The following MYADM variants were observed in gnomAD, a reference collection of about 807,000 sequenced individuals.
MYADM encodes the protein myeloid-associated differentiation marker.
For missense variants in MYADM, 416 were observed against 443.4 expected (o/e 0.94, Z 0.56); for synonymous variants, 224 against 210.2 (o/e 1.07, Z -0.57).
chr19:53,866,025 G>A (rs1281661481), upstream of MYADM: 1 of 152,220 alleles, frequency 6.6e-6, no homozygotes, highest in Non-Finnish European at 1.5e-5. The surrounding 1 kb of genome is among the most constrained non-coding windows in gnomAD (Gnocchi z 4.3). Context: ...GAGGGTCTGT[G>A]TCCCCTTCCC....
Position 53,874,356 on chromosome 19 carries a change from ATG to A in MYADM, c.829_830del (p.Val277LysfsTer33). On this transcript the variant is annotated frameshift_variant, in exon 3 of 3. Transcript: ENST00000391770. LOFTEE classifies it low-confidence loss of function (END_TRUNC). ...GGCGGCCAGCCTCGGCGCTCGAGAG[ATG>A]TAAGCTGCAGCCGCAGCCATGCCTA... 1 of 1,614,010 alleles carries A rather than the reference ATG, an allele frequency of 6.2e-7. No homozygotes were observed. Among genetic ancestry groups the A allele is most frequent in the Non-Finnish European group, 8.5e-7 (1 of 1,179,926 alleles).
Position 53,874,116 on chromosome 19 carries a change from T to C in MYADM, c.587T>C (p.Leu196Pro). ...TTCGCGTTCATCAGCGACCCCAACC[T>C]GTACCAGCACCAGCCGGCCCTGGAG... ...IIFAFISDPN[L>P]YQHQPALEWC... Residue 196 changes from leucine (L) to proline (P), a missense_variant, in exon 3 of 3, where the codon CTG (leucine) becomes CCG (proline). Transcript: ENST00000391770. The C allele has an allele frequency of 2.5e-6, 4 of 1,613,050 alleles. No individual in the cohort carries two copies. The highest frequency in any genetic ancestry group is 3.4e-6 in the Non-Finnish European group (4 of 1,180,008).
At chr19:53,869,731 C>T (rs1345858922) in intron 1 of MYADM, 23 bp from the exon 2 acceptor site, 1 of 152,540 alleles carries the variant, frequency 6.6e-6, no homozygotes, top group Non-Finnish European at 1.5e-5. Flanking sequence ...CAAACGGACG[C>T]TAACGGCCTA....
At position 53,873,704 on chromosome 19, in the gene MYADM, G is replaced by A. The variant is rs887379470; in HGVS notation, c.175G>A (p.Ala59Thr). The A allele has an allele frequency of 2.5e-6, 4 of 1,613,904 alleles. No individual in the cohort carries two copies. Among genetic ancestry groups the A allele is most frequent in the South Asian group, 2.2e-5 (2 of 91,086 alleles). Residue 59 changes from alanine to threonine, a missense_variant, in exon 3 of 3, where the codon GCC becomes ACC. Ala to Thr is a moderately conservative substitution (Grantham distance 58, BLOSUM62 0). Transcript: ENST00000391770. The surrounding 1 kb of genome is among the most constrained non-coding windows in gnomAD (Gnocchi z 4.3). The part of the protein sequence containing the change: ...VAFSLVASVG[A>T]WTGSMGNWSM... Reference sequence around the variant, plus strand: ...CTTCTCGCTGGTGGCTAGCGTGGGCGCCTGGACGGGGTCCATGGGCAACTG... The same window carrying A: ...CTTCTCGCTGGTGGCTAGCGTGGGCACCTGGACGGGGTCCATGGGCAACTG...
Position 53,873,888 on chromosome 19 carries a change from A to T in MYADM, c.359A>T (p.Tyr120Phe), listed in dbSNP as rs748040595. 1 of 1,612,216 alleles carries T rather than the reference A, an allele frequency of 6.2e-7. No individual in the cohort carries two copies. The highest frequency in any genetic ancestry group is 2.2e-5 in the East Asian group (1 of 44,820). ...ALFCLSASII[Y>F]PTTYVQFLSH... is the part of the protein sequence containing the mutation. ...TTCTGCCTCTCGGCCTCCATCATCT[A>T]CCCCACCACCTATGTCCAGTTCCTG... Residue 120 changes from tyrosine to phenylalanine, a missense_variant, in exon 3 of 3, where the codon TAC becomes TTC. By Grantham distance (22) the Tyr-to-Phe change is conservative (BLOSUM62 3). Coordinates refer to ENST00000391770, the MANE Select transcript of MYADM (RefSeq NM_138373.5). This position sits in a 1 kb window ranked among gnomAD's most constrained non-coding sequence, Gnocchi z 4.3.
chr19:53,868,068 TG>T lies in MYADM; in HGVS notation c.-88+129del. 6.5e-6 allele frequency: 1 copy of T among 153,954 alleles called. No homozygotes were observed. The highest frequency in any genetic ancestry group is 1.4e-5 in the Non-Finnish European group (1 of 69,372). The allele number at this position is 153,954 out of a possible 1,614,324, so 9.5% of individuals were successfully genotyped here. A position where few individuals can be genotyped will look rare whatever the true frequency, so the allele number is the denominator to read the frequency against. Reference sequence around the variant, plus strand: ...AAGACTGGGGCTGGGCCAGGATTCTTGGGGTTCTGCAGAGGAGAGGGCTGAG... The same window carrying T: ...AAGACTGGGGCTGGGCCAGGATTCTTGGGTTCTGCAGAGGAGAGGGCTGAG... On this transcript the variant is annotated intron_variant, in intron 1 of 2. Coordinates refer to ENST00000391770, the MANE Select transcript of MYADM (RefSeq NM_138373.5). This position sits in a 1 kb window ranked among gnomAD's most constrained non-coding sequence, Gnocchi z 6.3.
Position 53,873,390 on chromosome 19 carries a change from GAA to G in MYADM, c.-2-135_-2-134del. 1.1e-6 allele frequency: 1 copy of G among 901,064 alleles called. No individual in the cohort carries two copies. The highest frequency in any genetic ancestry group is 2.6e-5 in the East Asian group (1 of 38,954). 55.8% of individuals were successfully genotyped at this position (901,064 alleles called of 1,614,324 possible). On this transcript the variant is annotated intron_variant, in intron 2 of 2. Transcript: ENST00000391770. The surrounding 1 kb of genome is among the most constrained non-coding windows in gnomAD (Gnocchi z 4.3). ...CTGTCTCAAAAAAAAAAAAAGAAAA[GAA>G]AACCGAAAGCCCCACATCTTGGGAA... is the stretch of plus-strand genomic sequence containing the variant.
chr19:53,870,186 G>A (rs2068346911), intron 2 of MYADM, among the ~76,000 whole-genome samples: 1 of 103,680 alleles, frequency 9.6e-6, no homozygotes, highest in Admixed American at 9.5e-5. Context: ...GGGAGGAGGG[G>A]CTGGGGTCTG....
chr19:53,873,761 G>T lies in MYADM; in HGVS notation c.232G>T (p.Val78Leu), dbSNP rs535368996. 1.9e-6 allele frequency: 3 copies of T among 1,613,872 alleles called. No homozygotes were observed. The South Asian group carries it at 3.3e-5, about 18-fold the overall frequency. Residue 78 changes from valine (V) to leucine (L), a missense_variant, in exon 3 of 3, where the codon GTG becomes TTG. Physicochemically the swap from Val to Leu is conservative, Grantham distance 32 (BLOSUM62 1). Coordinates refer to ENST00000391770, the MANE Select transcript of MYADM (RefSeq NM_138373.5). This position sits in a 1 kb window ranked among gnomAD's most constrained non-coding sequence, Gnocchi z 4.3. ...GTTCACCTGGTGCTTCTGCTTCTCCGTGACCCTGATCATCCTCATCGTGGA... is the reference window on the plus strand; with the variant it reads ...GTTCACCTGGTGCTTCTGCTTCTCCTTGACCCTGATCATCCTCATCGTGGA... The part of the protein sequence containing the change: ...SMFTWCFCFS[V>L]TLIILIVELC...
chr19:53,873,371 CA>C lies in MYADM; in HGVS notation c.-2-144del, dbSNP rs112349507. On this transcript the variant is annotated intron_variant, in intron 2 of 2. Transcript: ENST00000391770. This position sits in a 1 kb window ranked among gnomAD's most constrained non-coding sequence, Gnocchi z 4.3. ...TGGGCCACAGAGCAAGACTCTGTCT[CA>C]AAAAAAAAAAAAGAAAAGAAAACCG... is the stretch of plus-strand genomic sequence containing the variant. Among the ~76,000 whole-genome samples, 211 of 135,466 alleles carry C rather than the reference CA, an allele frequency of 1.6e-3. No individual in the cohort carries two copies. The highest frequency in any genetic ancestry group is 1.5e-3 in the Non-Finnish European group (94 of 61,870). 88.9% of individuals were successfully genotyped at this position (135,466 alleles called of 152,430 possible).
intron 2 of MYADM, among the ~76,000 whole-genome samples, chr19:53,872,291 G>A (rs2068406864): frequency 6.6e-6 from 1 of 151,954 alleles, no homozygotes; most frequent in Non-Finnish European, 1.5e-5. Flanking sequence ...TGCCTCCTGG[G>A]TTCAAGTGAT....
chr19:53,874,403 C>T lies in MYADM; in HGVS notation c.874C>T (p.Arg292Cys), dbSNP rs747771011. ...TGCCTACTACGTGTGTGCCTGGGAC[C>T]GCCGACTGGCTGTGGCCATCCTGAC... is the stretch of plus-strand genomic sequence containing the variant. ...SHAYYVCAWD[R>C]RLAVAILTAI... The change falls in exon 3 of 3, where the codon CGC (arginine) becomes TGC (cysteine). Residue 292 changes from arginine to cysteine, a missense_variant. Physicochemically the swap from Arg to Cys is radical, Grantham distance 180. Transcript: ENST00000391770. The T allele has an allele frequency of 4.3e-6, 7 of 1,614,066 alleles. No homozygotes were observed. The highest frequency in any genetic ancestry group is 2.2e-5 in the East Asian group (1 of 44,894).
intron 2 of MYADM, among the ~76,000 whole-genome samples, chr19:53,872,542 CTG>C: frequency 6.6e-6 from 1 of 151,488 alleles, no homozygotes; most frequent in Non-Finnish European, 1.5e-5. Flanking sequence ...GGGTCTCACT[CTG>C]TCTCCCAGGC....
intron 2 of MYADM, among the ~76,000 whole-genome samples, chr19:53,871,156 G>A (rs949110659): frequency 1.3e-5 from 2 of 152,280 alleles, no homozygotes; most frequent in African/African-American, 2.4e-5. Flanking sequence ...GCTTGAATCC[G>A]GGAGGCGGAG....
intron 2 of MYADM, among the ~76,000 whole-genome samples, chr19:53,870,697 G>A (rs1404225864): frequency 6.6e-6 from 1 of 152,154 alleles, no homozygotes; most frequent in Non-Finnish European, 1.5e-5. Context: ...ACTTTCCTGT[G>A]GCTAGGAGAG....
At position 53,871,805 on chromosome 19, in the gene MYADM, C is replaced by T. The variant is rs1009907641; in HGVS notation, c.-2-1723C>T. On this transcript the variant is annotated intron_variant, in intron 2 of 2. Coordinates refer to ENST00000391770, the MANE Select transcript of MYADM (RefSeq NM_138373.5). Reference sequence around the variant, plus strand: ...AGTTGAGAGATGGGGTTTTCAGAGCCTGTGGAAGACAAGCGTTTTGTTCTG... The same window carrying T: ...AGTTGAGAGATGGGGTTTTCAGAGCTTGTGGAAGACAAGCGTTTTGTTCTG... Among the ~76,000 whole-genome samples the T allele has an allele frequency of 5.3e-5, 8 of 152,160 alleles. No individual in the cohort carries two copies. The East Asian group carries it at 1.5e-3, about 29-fold the overall frequency.
At chr19:53,872,450 C>T (rs1180070327) in intron 2 of MYADM, among the ~76,000 whole-genome samples, 1 of 152,100 alleles carries the variant, frequency 6.6e-6, no homozygotes. Flanking sequence ...CCCACCTTGG[C>T]CTCCGAAGTG....
rs4023843 is a variant in MYADM, at chr19:53,876,261, G to GATATATATAT, written c.*1775_*1784dup. 2.1e-3 allele frequency: 314 copies of GATATATATAT among 149,748 alleles called. No individual in the cohort carries two copies. Among genetic ancestry groups the GATATATATAT allele is most frequent in the African/African-American group, 7.5e-3 (293 of 39,170 alleles). 9.3% of individuals were successfully genotyped at this position (149,748 alleles called of 1,614,324 possible). Reference sequence around the variant, plus strand: ...TGTCTGGGACTCACATACATAACGTGATATATATATATATATATATAAATG... The same window carrying GATATATATAT: ...TGTCTGGGACTCACATACATAACGTGATATATATATATATATATATATATATATATAAATG... On this transcript the variant is annotated 3_prime_UTR_variant, in exon 3 of 3. Transcript: ENST00000391770.
rs1309816801 is a variant in MYADM at position 53,874,621 on chromosome 19, C to G, written c.*123C>G. 2.5e-6 allele frequency: 3 copies of G among 1,184,856 alleles called. No individual in the cohort carries two copies. Among genetic ancestry groups the G allele is most frequent in the Non-Finnish European group, 3.5e-6 (3 of 859,200 alleles). The allele number at this position is 1,184,856 out of a possible 1,614,324, so 73.4% of individuals were successfully genotyped here. ...TTTCCTCTTCCTGTCTCCCCTCCCT[C>G]CCACCTTTTTCTTTCCTTCCCAATT... On this transcript the variant is annotated 3_prime_UTR_variant, in exon 3 of 3. Transcript: ENST00000391770.
Sources: allele counts gnomAD v4.1 joint callset (sites outside exome capture counted in the v4.1 genomes callset), GRCh38; gene constraint gnomAD v4.1.1; non-coding constraint Gnocchi (gnomAD v3.1); transcripts MANE v1.5; gene names NCBI Gene and HGNC (gene_info 2026-07-23, HGNC 2026-07-21).